SLC5A4: variants seen among roughly 807,000 people sequenced by gnomAD.
SLC5A4 encodes probable glucose sensor protein SLC5A4.
A neutral mutation model predicts 70.3 loss-of-function variants in SLC5A4; 55 were observed. The ratio of observed to expected loss-of-function variants is 0.78; its 90% CI spans 0.63 to 0.98. The LOEUF (loss-of-function observed/expected upper bound fraction) is 0.98, where lower values mean the gene tolerates loss of function less well. Among genes scored for constraint, SLC5A4 ranks in the 50% least tolerant of loss-of-function variants. The probability of loss-of-function intolerance (pLI) is 0.00; values close to 1 mark genes in which losing one functional copy is unlikely to be tolerated. For missense variants in SLC5A4, 735 were observed against 839.2 expected (o/e 0.88, Z 1.53); for synonymous variants, 268 against 305.7 (o/e 0.88, Z 1.29).
chr22:32,265,275 C>T, the SLC5A4 span, among the ~76,000 whole-genome samples: 1 of 152,150 alleles, frequency 6.6e-6, no homozygotes, highest in African/African-American at 2.4e-5. Flanking sequence ...GTAGTCCCAG[C>T]TACTGGGGAG....
the SLC5A4 span, among the ~76,000 whole-genome samples, chr22:32,352,645 G>A: frequency 3.4e-3 from 514 of 152,206 alleles, 1 homozygote; most frequent in African/African-American, 0.011. Context: ...CCCCAGGCCA[G>A]GCAGGGCTGC....
At chr22:32,235,141 C>T (rs771921341) in intron 7 of SLC5A4, 48 bp from the exon 8 acceptor site, 4 of 1,385,330 alleles carry the variant, frequency 2.9e-6, no homozygotes, top group Non-Finnish European at 4.1e-6. Context: ...AAATCTAAGA[C>T]ATCCAATGTT....
chr22:32,326,296 T>G, the SLC5A4 span, among the ~76,000 whole-genome samples: 2 of 138,606 alleles, frequency 1.4e-5, no homozygotes, highest in African/African-American at 2.7e-5. Context: ...TGAGATGGAG[T>G]CTCTGTCGCC....
chr22:32,232,449 A>G (rs9621414), intron 9 of SLC5A4, among the ~76,000 whole-genome samples: 25,133 of 152,200 alleles, frequency 0.17, 2,364 homozygotes, highest in African/African-American at 0.23. Flanking sequence ...TCAGAAATTT[A>G]CATATCCTCA....
chr22:32,239,533 TA>T lies in SLC5A4; in HGVS notation c.478-444del, dbSNP rs1439141382. On this transcript the variant is annotated intron_variant, in intron 5 of 14. Coordinates refer to ENST00000266086, the MANE Select transcript of SLC5A4 (RefSeq NM_014227.3). ...GGAGTGCATATTATATATATATATA[TA>T]TATATATATATATATATATATATAT... Among the ~76,000 whole-genome samples, 5 of 10,040 alleles carry T rather than the reference TA, an allele frequency of 5.0e-4. 1 individual carries two copies. Among genetic ancestry groups the T allele is most frequent in the Non-Finnish European group, 7.4e-4 (5 of 6,716 alleles). The allele number at this position is 10,040 out of a possible 152,430, so 6.6% of individuals were successfully genotyped here. A position where few individuals can be genotyped will look rare whatever the true frequency, so the allele number is the denominator to read the frequency against.
chr22:32,248,984 G>C (rs893242914), intron 3 of SLC5A4, among the ~76,000 whole-genome samples, 182 bp from the exon 4 acceptor site: 3 of 152,038 alleles, frequency 2.0e-5, no homozygotes, highest in Non-Finnish European at 4.4e-5. Context: ...ATGACTCAGG[G>C]GCCACCATTT....
the SLC5A4 span, among the ~76,000 whole-genome samples, chr22:32,309,441 C>T: frequency 6.6e-6 from 1 of 152,138 alleles, no homozygotes; most frequent in Admixed American, 6.5e-5. Context: ...TAAGAGTAGG[C>T]AGCTTAAAAA....
At chr22:32,314,827 G>C in the SLC5A4 span, among the ~76,000 whole-genome samples, 4 of 152,176 alleles carry the variant, frequency 2.6e-5, no homozygotes, top group Non-Finnish European at 5.9e-5. Context: ...GGGACAGAGA[G>C]AGTGAGCGAG....
At chr22:32,266,142 T>C in the SLC5A4 span, among the ~76,000 whole-genome samples, 1 of 152,190 alleles carries the variant, frequency 6.6e-6, no homozygotes, top group East Asian at 1.9e-4. Context: ...AAACTTTGCC[T>C]TTGAATTTAA....
intron 8 of SLC5A4, among the ~76,000 whole-genome samples, 168 bp from the exon 9 acceptor site, chr22:32,233,202 C>T (rs1925865534): frequency 6.6e-6 from 1 of 152,206 alleles, no homozygotes; most frequent in Non-Finnish European, 1.5e-5. Flanking sequence ...CAATAGCCAA[C>T]ATGTGGAATC....
chr22:32,334,589 C>G, the SLC5A4 span, among the ~76,000 whole-genome samples: 1 of 152,196 alleles, frequency 6.6e-6, no homozygotes, highest in East Asian at 1.9e-4. Flanking sequence ...CTGACCAAGT[C>G]CCCGTGCTTC....
the SLC5A4 span, chr22:32,272,459 A>C: frequency 1.3e-6 from 1 of 794,168 alleles, no homozygotes; most frequent in Admixed American, 2.0e-5. Context: ...AGCGTCAGGA[A>C]CTTCATCCTG....
chr22:32,354,068 T>C, the SLC5A4 span, among the ~76,000 whole-genome samples: 2 of 132,564 alleles, frequency 1.5e-5, no homozygotes, highest in African/African-American at 5.7e-5. Flanking sequence ...CCGGAACCAA[T>C]GTGGCCCCAG....
the SLC5A4 span, among the ~76,000 whole-genome samples, chr22:32,325,334 A>G: frequency 1.3e-5 from 2 of 152,318 alleles, no homozygotes; most frequent in South Asian, 2.1e-4. Context: ...GTCAGTGGTG[A>G]GTGTCTAGCA....
At chr22:32,351,718 G>C in the SLC5A4 span, among the ~76,000 whole-genome samples, 3 of 61,388 alleles carry the variant, frequency 4.9e-5, no homozygotes, top group African/African-American at 3.1e-4. Flanking sequence ...TGGGGGGCGT[G>C]GGGGGAGGGT....
the SLC5A4 span, among the ~76,000 whole-genome samples, chr22:32,307,728 T>C: frequency 6.6e-6 from 1 of 152,182 alleles, no homozygotes; most frequent in Admixed American, 6.5e-5. Flanking sequence ...ATCTGGTACA[T>C]AGTAAGTGCA....
the SLC5A4 span, among the ~76,000 whole-genome samples, chr22:32,294,226 T>G: frequency 6.6e-6 from 1 of 152,236 alleles, no homozygotes; most frequent in African/African-American, 2.4e-5. Context: ...TGCTAAGTAC[T>G]TTTCTGTGTT....
chr22:32,230,896 G>A (rs1569369467), intron 10 of SLC5A4, 72 bp downstream of exon 10: 1 of 884,684 alleles, frequency 1.1e-6, no homozygotes, highest in Non-Finnish European at 1.9e-6. Flanking sequence ...TGCAAGAATT[G>A]CACCATAACC....
At chr22:32,271,131 C>T in the SLC5A4 span, 1 of 649,848 alleles carries the variant, frequency 1.5e-6, no homozygotes, top group African/African-American at 1.8e-5. Context: ...CTGTACCCTT[C>T]CAGACAGAGC....
Sources: gnomAD v4.1 joint callset for allele counts (sites outside exome capture counted in the v4.1 genomes callset) on GRCh38, gnomAD v4.1.1 for gene constraint, MANE v1.5 for transcripts, NCBI Gene and HGNC (gene_info 2026-07-23, HGNC 2026-07-21) for gene names.